Variants in RLF observed in about 807,000 individuals in gnomAD.
RLF encodes the protein zinc finger protein Rlf.
RLF carries 7 observed loss-of-function variants against 162.9 expected under a neutral mutation model. The observed-to-expected ratio is 0.04, with a 90% CI of 0.02 to 0.08. The LOEUF (loss-of-function observed/expected upper bound fraction) is 0.08, where lower values mean the gene tolerates loss of function less well. Ranked by LOEUF, RLF falls within the 10% of genes least tolerant of loss-of-function variation. The pLI is 1.00. For synonymous variants in RLF, 782 were observed against 791.5 expected, an observed-to-expected ratio of 0.99 and a Z score of 0.20; for missense variants, 1,664 against 2,244.7, an observed-to-expected ratio of 0.74 and a Z score of 5.23.
intron 5 of RLF, among the ~76,000 whole-genome samples, chr1:40,210,454 GAGA>G (rs1642851209): frequency 6.6e-6 from 1 of 152,150 alleles, no homozygotes; most frequent in Non-Finnish European, 1.5e-5. Context: ...GGATCCACTG[GAGA>G]ATAAATACCC....
At chr1:40,223,196 C>G (rs574636706) in intron 6 of RLF, among the ~76,000 whole-genome samples, 1 of 152,180 alleles carries the variant, frequency 6.6e-6, no homozygotes, top group East Asian at 1.9e-4. Context: ...GGTTTTAATT[C>G]AATTTATATC....
At chr1:40,226,759 A>G (rs913538020) in intron 6 of RLF, among the ~76,000 whole-genome samples, 1 of 152,154 alleles carries the variant, frequency 6.6e-6, no homozygotes, top group Non-Finnish European at 1.5e-5. Context: ...TCATTCCTAA[A>G]ATACCTAAAT....
intron 6 of RLF, among the ~76,000 whole-genome samples, chr1:40,227,453 G>A (rs1419661051): frequency 1.3e-5 from 2 of 152,158 alleles, no homozygotes; most frequent in East Asian, 1.9e-4. Context: ...GTGTTCCAGT[G>A]TACAGATTTG....
chr1:40,203,854 G>A (rs1368978826), intron 5 of RLF, among the ~76,000 whole-genome samples: 1 of 151,944 alleles, frequency 6.6e-6, no homozygotes, highest in Non-Finnish European at 1.5e-5. Flanking sequence ...AAATACAATT[G>A]TCTATCTTTC....
chr1:40,239,007 A>G lies in RLF; in HGVS notation c.4305A>G (p.Glu1435=). Reference sequence around the variant, plus strand: ...ACTTGATGGAACAGCATAATATTGAAGGGGAAATACATTCAGATTATGAAA... The same window carrying G: ...ACTTGATGGAACAGCATAATATTGAGGGGGAAATACATTCAGATTATGAAA... ...KHHLMEQHNI[E]GEIHSDYEIH... The change falls in exon 8 of 8, where the codon GAA becomes GAG. Residue 1435 remains glutamate (E), a synonymous_variant. Coordinates refer to ENST00000372771, the MANE Select transcript of RLF (RefSeq NM_012421.4). The G allele has an allele frequency of 6.2e-7, 1 of 1,614,198 alleles. No homozygotes were observed.
chr1:40,188,426 C>A (rs889056222), intron 1 of RLF, among the ~76,000 whole-genome samples: 11 of 152,208 alleles, frequency 7.2e-5, no homozygotes, highest in African/African-American at 2.4e-4. Flanking sequence ...GGACTATTCC[C>A]CCCATTGTAA....
intron 5 of RLF, among the ~76,000 whole-genome samples, chr1:40,219,998 G>T (rs149451957): frequency 0.02 from 3,010 of 152,284 alleles, 44 homozygotes; most frequent in Middle Eastern, 0.058. Context: ...TGTAATCCCA[G>T]CACTTTGGGA....
intron 6 of RLF, among the ~76,000 whole-genome samples, 185 bp downstream of exon 6, chr1:40,222,895 G>A (rs751355875): frequency 1.3e-5 from 2 of 152,154 alleles, no homozygotes; most frequent in Admixed American, 6.5e-5. Flanking sequence ...AAGGTAAAAT[G>A]TTCCTCTTGA....
At chr1:40,195,532 A>G in intron 3 of RLF, 100 bp from the exon 4 acceptor site, 1 of 921,984 alleles carries the variant, frequency 1.1e-6, no homozygotes, top group Non-Finnish European at 1.6e-6. Context: ...GGAAATCCAA[A>G]TAGGTTCTTT....
In RLF at chr1:40,216,054, ATACTC is replaced by A. The variant is rs375186456; in HGVS notation, c.811-6519_811-6515del. Among the ~76,000 whole-genome samples, 638 of 152,264 alleles carry A rather than the reference ATACTC, an allele frequency of 4.2e-3. 7 individuals carry two copies. The highest frequency in any genetic ancestry group is 0.015 in the African/African-American group (622 of 41,564). On this transcript the variant is annotated intron_variant, in intron 5 of 7. Transcript: ENST00000372771. ...GTTAGACTGAACAAGAACAAAGAGA[ATACTC>A]AAATCAGGAATAAAAAAGGAGATAC...
chr1:40,201,157 A>G (rs771316091), intron 4 of RLF, among the ~76,000 whole-genome samples: 10 of 144,526 alleles, frequency 6.9e-5, no homozygotes, highest in Non-Finnish European at 7.5e-5. Context: ...CTGCATTTTA[A>G]TAAGCTCCCT....
chr1:40,177,375 C>T lies in RLF; in HGVS notation c.238-11680C>T, dbSNP rs373314895. On this transcript the variant is annotated intron_variant, in intron 1 of 7. Coordinates refer to ENST00000372771, the MANE Select transcript of RLF (RefSeq NM_012421.4). ...TGTGATCTCAGCTCACTGCAAGCTC[C>T]GCCTCCCGGGGTCACACCATTCTCC... Among the ~76,000 whole-genome samples, 288 of 151,572 alleles carry T rather than the reference C, an allele frequency of 1.9e-3. 2 individuals are homozygous for T. The highest frequency in any genetic ancestry group is 2.8e-3 in the Admixed American group (42 of 15,206).
At chr1:40,218,459 A>C (rs1642953771) in intron 5 of RLF, among the ~76,000 whole-genome samples, 1 of 152,090 alleles carries the variant, frequency 6.6e-6, no homozygotes, top group African/African-American at 2.4e-5. Flanking sequence ...TAAGTCTCTA[A>C]ACTTGTTTAA....
Position 40,161,399 on chromosome 1 carries a change from G to A in RLF, c.-1G>A, listed in dbSNP as rs1179661370. 2.6e-6 allele frequency: 4 copies of A among 1,536,096 alleles called. No individual in the cohort carries two copies. The highest frequency in any genetic ancestry group is 2.6e-6 in the Non-Finnish European group (3 of 1,148,246). On this transcript the variant is annotated 5_prime_UTR_variant, in exon 1 of 8. Transcript: ENST00000372771. This position sits in a 1 kb window ranked among gnomAD's most constrained non-coding sequence, Gnocchi z 4.4. Reference sequence around the variant, plus strand: ...CCTACGCGCTGGTGGGCCGTGGGAAGATGGCGGACGGAAAGGGAGACGCCG... The same window carrying A: ...CCTACGCGCTGGTGGGCCGTGGGAAAATGGCGGACGGAAAGGGAGACGCCG...
intron 6 of RLF, among the ~76,000 whole-genome samples, chr1:40,223,709 C>T (rs1643025313): frequency 6.6e-6 from 1 of 152,062 alleles, no homozygotes; most frequent in South Asian, 2.1e-4. Flanking sequence ...ATTTTGTGTA[C>T]TGTAATCTCA....
intron 5 of RLF, among the ~76,000 whole-genome samples, chr1:40,203,440 G>A (rs1642746291): frequency 6.6e-6 from 1 of 151,908 alleles, no homozygotes; most frequent in South Asian, 2.1e-4. Flanking sequence ...GTACTCAGGA[G>A]GCTGAGGCAG....
intron 4 of RLF, among the ~76,000 whole-genome samples, chr1:40,198,492 G>A (rs1642668948): frequency 6.6e-6 from 1 of 151,892 alleles, no homozygotes; most frequent in Non-Finnish European, 1.5e-5. Context: ...TTAGAAATGA[G>A]TTTTCACTAT....
chr1:40,218,518 C>T (rs944632817), intron 5 of RLF, among the ~76,000 whole-genome samples: 3 of 152,132 alleles, frequency 2.0e-5, no homozygotes, highest in African/African-American at 4.8e-5. Flanking sequence ...CACGCATTGC[C>T]GTTACATCAG....
chr1:40,207,620 A>AT (rs1642813336), intron 5 of RLF, among the ~76,000 whole-genome samples: 2 of 151,950 alleles, frequency 1.3e-5, no homozygotes, highest in African/African-American at 4.8e-5. Context: ...TTTGTTGAAA[A>AT]TTGTTTTTTT....
Sources: allele counts gnomAD v4.1 joint callset (sites outside exome capture counted in the v4.1 genomes callset), GRCh38; gene constraint gnomAD v4.1.1; non-coding constraint Gnocchi (gnomAD v3.1); transcripts MANE v1.5; gene names NCBI Gene and HGNC (gene_info 2026-07-23, HGNC 2026-07-21).